SLC2A9: variants seen among roughly 807,000 people sequenced by gnomAD.
SLC2A9 encodes solute carrier family 2 member 9, also known as solute carrier family 2, facilitated glucose transporter member 9.
In SLC2A9, 39 loss-of-function variants were observed where a neutral mutation model predicts 50.6. That is an observed-to-expected ratio of 0.77 (90% confidence interval 0.60 to 1.01). The LOEUF is 1.01. Among genes scored for constraint, SLC2A9 ranks in the 50% least tolerant of loss-of-function variants. The pLI is 0.00. For synonymous variants in SLC2A9, 324 were observed against 276.9 expected (o/e 1.17, Z -1.69); for missense variants, 686 against 677.6 (o/e 1.01, Z -0.14).
At chr4:9,805,082 G>T (rs1721950483) in intron 3 of SLC2A9, among the ~76,000 whole-genome samples, 1 of 152,202 alleles carries the variant, frequency 6.6e-6, no homozygotes, top group Admixed American at 6.5e-5. Context: ...CAGATCTCCT[G>T]CCTGTGTCTC....
intron 10 of SLC2A9, among the ~76,000 whole-genome samples, chr4:9,884,416 A>G (rs1172836643): frequency 1.3e-5 from 2 of 150,082 alleles, no homozygotes; most frequent in Non-Finnish European, 3.0e-5. Flanking sequence ...GATTACAGGT[A>G]CATTCCACTA....
intron 10 of SLC2A9, among the ~76,000 whole-genome samples, chr4:9,874,702 G>C (rs1015317130): frequency 2.0e-5 from 3 of 152,236 alleles, no homozygotes; most frequent in African/African-American, 7.2e-5. Flanking sequence ...TCAGAACCTG[G>C]CTGGGAGACC....
upstream of SLC2A9, among the ~76,000 whole-genome samples, chr4:10,024,900 T>C (rs1396346408): frequency 6.6e-6 from 1 of 152,234 alleles, no homozygotes; most frequent in Non-Finnish European, 1.5e-5. Context: ...TTACACCAAA[T>C]ACTTAGACAG....
At chr4:9,965,589 C>A (rs1033879225) in intron 5 of SLC2A9, among the ~76,000 whole-genome samples, 5 of 152,140 alleles carry the variant, frequency 3.3e-5, no homozygotes, top group African/African-American at 1.2e-4. Context: ...GATGACCTTT[C>A]TTTATGTAAT....
chr4:9,772,543 G>C (rs1037405085), intron 1 of SLC2A9, among the ~76,000 whole-genome samples: 6 of 152,142 alleles, frequency 3.9e-5, no homozygotes, highest in African/African-American at 1.2e-4. Context: ...ACAATGAGAA[G>C]AGCAAGCTCC....
intron 1 of SLC2A9, among the ~76,000 whole-genome samples, chr4:10,030,330 A>G (rs1051868162): frequency 6.6e-6 from 1 of 152,208 alleles, no homozygotes. Context: ...CATATGTACA[A>G]TTATTTGTCA....
intron 1 of SLC2A9, among the ~76,000 whole-genome samples, chr4:10,029,744 G>GTT (rs1763876055): frequency 6.6e-6 from 1 of 151,962 alleles, no homozygotes; most frequent in African/African-American, 2.4e-5. Context: ...AGCTTCCCGA[G>GTT]TAGCTGGGTT....
downstream of SLC2A9, among the ~76,000 whole-genome samples, chr4:9,776,734 C>T (rs531991110): frequency 2.6e-5 from 4 of 152,200 alleles, no homozygotes; most frequent in Admixed American, 6.5e-5. Flanking sequence ...CTGAAGCCTC[C>T]GAGTTCTTAT....
chr4:9,875,632 A>G (rs1295376812), intron 10 of SLC2A9, among the ~76,000 whole-genome samples: 1 of 152,190 alleles, frequency 6.6e-6, no homozygotes, highest in Non-Finnish European at 1.5e-5. Flanking sequence ...CTGGAGTCAA[A>G]CTGATAGGAA....
intron 7 of SLC2A9, among the ~76,000 whole-genome samples, chr4:9,913,856 T>C (rs1447966903): frequency 1.3e-5 from 2 of 152,226 alleles, no homozygotes; most frequent in East Asian, 1.9e-4. Flanking sequence ...CCACTCAAAA[T>C]AGAGCTAACA....
At chr4:10,030,874 G>A (rs1763922495) in intron 1 of SLC2A9, among the ~76,000 whole-genome samples, 1 of 152,178 alleles carries the variant, frequency 6.6e-6, no homozygotes, top group Non-Finnish European at 1.5e-5. Flanking sequence ...CCTCAGCAGA[G>A]GTCATGATCA....
intron 3 of SLC2A9, among the ~76,000 whole-genome samples, chr4:9,803,303 T>A (rs778625863): frequency 2.0e-5 from 3 of 152,276 alleles, no homozygotes; most frequent in Non-Finnish European, 4.4e-5. Context: ...ATGATTTTGA[T>A]GGTGATGATA....
In SLC2A9 at chr4:9,890,726, A is replaced by AAG. The variant is rs141838570; in HGVS notation, c.1114-17_1114-16dup. The stretch of plus-strand genomic sequence containing the variant: ...ATGACCAAACCCTAGTCCAGGGTAA[A>AAG]AGAGAGAGAGAGAGCTATTATTCCA... On this transcript the variant is annotated splice_polypyrimidine_tract_variant and intron_variant, in intron 8 of 11. Transcript: ENST00000264784. 469 of 1,595,406 alleles carry AAG rather than the reference A, an allele frequency of 2.9e-4. 1 individual carries two copies. Among genetic ancestry groups the AAG allele is most frequent in the Middle Eastern group, 2.5e-3 (15 of 6,020 alleles).
At chr4:10,037,520 G>A (rs189989758) in intron 1 of SLC2A9, among the ~76,000 whole-genome samples, 37 of 152,264 alleles carry the variant, frequency 2.4e-4, no homozygotes, top group Non-Finnish European at 4.4e-5. Context: ...GACTGAGGCA[G>A]TTGTCTGGGA....
intron 3 of SLC2A9, among the ~76,000 whole-genome samples, chr4:9,815,352 T>C (rs1050927679): frequency 3.9e-5 from 6 of 152,244 alleles, no homozygotes; most frequent in African/African-American, 1.4e-4. Context: ...CCTTGTGCCC[T>C]TTCCTGTCAT....
chr4:9,983,157 C>G lies in SLC2A9; in HGVS notation c.536-2420G>C, dbSNP rs1047026585. Reference sequence around the variant, plus strand: ...TGCTGGGATTACAGGTGTGAGCCACCGTGCCCGGCCCATTTAATTTTCACA... The same window carrying G: ...TGCTGGGATTACAGGTGTGAGCCACGGTGCCCGGCCCATTTAATTTTCACA... On this transcript the variant is annotated intron_variant, in intron 4 of 11. Transcript: ENST00000264784. 2.6e-5 allele frequency among the ~76,000 whole-genome samples: 4 copies of G among 152,288 alleles called. No homozygotes were observed. In the East Asian group the frequency reaches 7.7e-4, roughly 29 times the overall value.
intron 2 of SLC2A9, among the ~76,000 whole-genome samples, chr4:10,014,307 C>T (rs535266525): frequency 5.3e-5 from 8 of 152,356 alleles, no homozygotes; most frequent in Admixed American, 2.0e-4. Context: ...AGGGGCTCGA[C>T]ACCAGCCCTT....
At chr4:9,985,925 A>C in intron 3 of SLC2A9, 132 bp from the exon 4 acceptor site, 4 of 1,296,026 alleles carry the variant, frequency 3.1e-6, no homozygotes, top group Non-Finnish European at 3.3e-6. Flanking sequence ...TGCAGGGAGC[A>C]CTGGCCTTGC....
chr4:9,834,788 GGA>G, intron 11 of SLC2A9, 91 bp downstream of exon 11: 1 of 1,572,172 alleles, frequency 6.4e-7, no homozygotes, highest in Non-Finnish European at 8.7e-7. Context: ...CCAGTTGAGA[GGA>G]GAGAGATCAA....
Sources: allele counts gnomAD v4.1 joint callset (sites outside exome capture counted in the v4.1 genomes callset), GRCh38; gene constraint gnomAD v4.1.1; transcripts MANE v1.5; gene names NCBI Gene and HGNC (gene_info 2026-07-23, HGNC 2026-07-21).